The following PPP1R9B variants were observed in gnomAD, a reference collection of about 807,000 sequenced individuals.
PPP1R9B encodes the protein neurabin-2.
PPP1R9B carries 17 observed loss-of-function variants against 75.8 expected under a neutral mutation model. The ratio of observed to expected loss-of-function variants is 0.22; its 90% confidence interval spans 0.15 to 0.34. The LOEUF (loss-of-function observed/expected upper bound fraction) is 0.34. Ranked by LOEUF, PPP1R9B falls within the 10% of genes least tolerant of loss-of-function variation. The pLI, the probability that PPP1R9B is intolerant of heterozygous loss-of-function variation, is 1.00. For missense variants in PPP1R9B, 875 were observed against 1,196.0 expected (o/e 0.73, Z 3.96); for synonymous variants, 509 against 535.4 (o/e 0.95, Z 0.68).
intron 2 of PPP1R9B, 96 bp from the exon 3 acceptor site, chr17:50,143,814 G>T: frequency 6.5e-7 from 1 of 1,535,894 alleles, no homozygotes; most frequent in Non-Finnish European, 8.9e-7. Context: ...CCATCAGGAA[G>T]CAGTCCCCAT....
Position 50,149,959 on chromosome 17 carries a change from G to T in PPP1R9B, c.555C>A (p.Val185=). ...RAGLQDRKLD[V]VVRFNGSTEA... ...CGGTGCTGCCGTTGAAGCGCACCACGACGTCCAGCTTCCGGTCCTGCAGGC... is the reference window on the plus strand; with the variant it reads ...CGGTGCTGCCGTTGAAGCGCACCACTACGTCCAGCTTCCGGTCCTGCAGGC... The change falls in exon 1 of 10, where the codon GTC becomes GTA. Residue 185 remains valine, a synonymous_variant. Transcript: ENST00000612501. The surrounding 1 kb of genome is among the most constrained non-coding windows in gnomAD (Gnocchi z 7.2). 1 of 1,515,074 alleles carries T rather than the reference G, an allele frequency of 6.6e-7. No homozygotes were observed. Among genetic ancestry groups the T allele is most frequent in the South Asian group, 1.2e-5 (1 of 82,030 alleles). The allele number at this position is 1,515,074 out of a possible 1,614,324, so 93.9% of individuals were successfully genotyped here. A position where few individuals can be genotyped will look rare whatever the true frequency, so the allele number is the denominator to read the frequency against.
rs1206538009 is a variant in PPP1R9B, at chr17:50,149,718, G to A, written c.796C>T (p.Pro266Ser). The change falls in exon 1 of 10, where the codon CCG (proline) becomes TCG (serine). Residue 266 changes from proline to serine, a missense_variant. Transcript: ENST00000612501. The surrounding 1 kb of genome is among the most constrained non-coding windows in gnomAD (Gnocchi z 7.2). Reference sequence around the variant, plus strand: ...GCGGGGCATCGCTCTTTCTCGGCCGGGGCATCCCCCGACGGGGCGGGCGGC... The same window carrying A: ...GCGGGGCATCGCTCTTTCTCGGCCGAGGCATCCCCCGACGGGGCGGGCGGC... ...PPPPAPSGDAPAEKERCPAGQ... is the reference protein window; with the variant it reads ...PPPPAPSGDASAEKERCPAGQ... 2 of 1,410,734 alleles carry A rather than the reference G, an allele frequency of 1.4e-6. No individual in the cohort carries two copies. Among genetic ancestry groups the A allele is most frequent in the African/African-American group, 1.5e-5 (1 of 65,928 alleles). The allele number at this position is 1,410,734 out of a possible 1,614,324, so 87.4% of individuals were successfully genotyped here.
Position 50,149,061 on chromosome 17 carries a change from C to A in PPP1R9B, c.1371+82G>T. 9.2e-7 allele frequency: 1 copy of A among 1,092,372 alleles called. No individual in the cohort carries two copies. The allele number at this position is 1,092,372 out of a possible 1,614,324, so 67.7% of individuals were successfully genotyped here. ...CAGGGGCTGACTCAGCCTGCCAAACCCGGCTGGCTGGCTGGCGAGCGGGGG... is the reference window on the plus strand; with the variant it reads ...CAGGGGCTGACTCAGCCTGCCAAACACGGCTGGCTGGCTGGCGAGCGGGGG... On this transcript the variant is annotated intron_variant, in intron 1 of 9. Transcript: ENST00000612501. This position sits in a 1 kb window ranked among gnomAD's most constrained non-coding sequence, Gnocchi z 7.2.
chr17:50,149,511 C>T lies in PPP1R9B; in HGVS notation c.1003G>A (p.Val335Met), dbSNP rs778474129. ...VHAALENGST[V>M]ATAASPAPEE... ...GGCGCGGGGCTGGCTGCAGTTGCCA[C>T]GGTGCTGCCATTCTCCAGGGCCGCG... Residue 335 changes from valine (V) to methionine (M), a missense_variant, in exon 1 of 10, where the codon GTG (valine) becomes ATG (methionine). Transcript: ENST00000612501. The surrounding 1 kb of genome is among the most constrained non-coding windows in gnomAD (Gnocchi z 7.2). The T allele has an allele frequency of 1.3e-6, 2 of 1,594,836 alleles. No homozygotes were observed. Among genetic ancestry groups the T allele is most frequent in the Non-Finnish European group, 1.7e-6 (2 of 1,172,302 alleles).
At position 50,139,585 on chromosome 17, in the gene PPP1R9B, C is replaced by T. The variant is rs371184043; in HGVS notation, c.1867-4G>A. On this transcript the variant is annotated splice_region_variant and splice_polypyrimidine_tract_variant and intron_variant, in intron 5 of 9. Transcript: ENST00000612501. The surrounding 1 kb of genome is among the most constrained non-coding windows in gnomAD (Gnocchi z 5.0). ...CGTCAGTGGCATACTCTCCCGTCTG[C>T]GAAGGGAGACCGGAGACTGTGGGCC... 648 of 1,538,468 alleles carry T rather than the reference C, an allele frequency of 4.2e-4. 2 individuals carry two copies. The highest frequency in any genetic ancestry group is 2.1e-3 in the African/African-American group (153 of 72,566).
intron 7 of PPP1R9B, among the ~76,000 whole-genome samples, chr17:50,137,619 T>C (rs996898234): frequency 3.3e-5 from 5 of 152,126 alleles, no homozygotes; most frequent in Admixed American, 6.5e-5. Context: ...CCTAACCAGT[T>C]TGCCTGCCTC....
rs754466686 is a variant in PPP1R9B at position 50,149,983 on chromosome 17, G to T, written c.531C>A (p.Gly177=). The change falls in exon 1 of 10, where the codon GGC becomes GGA. Residue 177 remains glycine (G), a synonymous_variant. Coordinates refer to ENST00000612501, the MANE Select transcript of PPP1R9B (RefSeq NM_032595.5). This position sits in a 1 kb window ranked among gnomAD's most constrained non-coding sequence, Gnocchi z 7.2. Reference sequence around the variant, plus strand: ...CGACGTCCAGCTTCCGGTCCTGCAGGCCGGCGCGCTCCTGCCTCAGCAGCC... The same window carrying T: ...CGACGTCCAGCTTCCGGTCCTGCAGTCCGGCGCGCTCCTGCCTCAGCAGCC... ...ARRLLRQERA[G]LQDRKLDVVV... 4.4e-5 allele frequency: 67 copies of T among 1,507,024 alleles called. No individual in the cohort carries two copies. The highest frequency in any genetic ancestry group is 5.0e-5 in the Non-Finnish European group (57 of 1,136,954). 93.4% of individuals were successfully genotyped at this position (1,507,024 alleles called of 1,614,324 possible).
chr17:50,141,276 G>T lies in PPP1R9B; in HGVS notation c.1723C>A (p.Arg575=), dbSNP rs556989376. The change falls in exon 4 of 10, where the codon CGA becomes AGA. Residue 575 remains arginine (R), a synonymous_variant. Coordinates refer to ENST00000612501, the MANE Select transcript of PPP1R9B (RefSeq NM_032595.5). ...ACCCCTCTGGGCTCTCACCGCACTC[G>T]GCCCTTGGTGTTCCGGAGCACAGAC... is the stretch of plus-strand genomic sequence containing the variant. ...AASVLRNTKG[R]VRFMIGRERP... is the part of the protein sequence containing the mutation. The T allele has an allele frequency of 2.0e-5, 32 of 1,578,026 alleles. No individual in the cohort carries two copies. In the South Asian group the frequency reaches 3.5e-4, roughly 17 times the overall value.
rs376598450 is a variant in PPP1R9B, at chr17:50,145,092, C to T, written c.1504+21G>A. 292 of 1,612,756 alleles carry T rather than the reference C, an allele frequency of 1.8e-4. No individual in the cohort carries two copies. The African/African-American group carries it at 2.2e-3, about 12-fold the overall frequency. ...GTCAACCCCAGCTGTGCGCAAGTGA[C>T]GTGGCCTCCTGGCCTCTCACCCTTC... On this transcript the variant is annotated intron_variant, in intron 2 of 9. Coordinates refer to ENST00000612501, the MANE Select transcript of PPP1R9B (RefSeq NM_032595.5).
intron 3 of PPP1R9B, 31 bp from the exon 4 acceptor site, chr17:50,141,404 AG>A: frequency 6.8e-7 from 1 of 1,464,254 alleles, no homozygotes. Flanking sequence ...AAGGGGTCAC[AG>A]GGGAACCGAG....
chr17:50,137,859 C>A (rs555826346), intron 7 of PPP1R9B, among the ~76,000 whole-genome samples: 1 of 152,292 alleles, frequency 6.6e-6, no homozygotes, highest in Non-Finnish European at 1.5e-5. Context: ...AGACTCCAAG[C>A]TCCATGGAGC....
At chr17:50,148,450 G>A (rs1468912353) in intron 1 of PPP1R9B, among the ~76,000 whole-genome samples, 2 of 152,180 alleles carry the variant, frequency 1.3e-5, no homozygotes, top group African/African-American at 4.8e-5. Flanking sequence ...CCCCATCAAG[G>A]ACCACACAAA....
intron 4 of PPP1R9B, among the ~76,000 whole-genome samples, chr17:50,140,896 G>A (rs1021992032): frequency 1.3e-5 from 2 of 152,124 alleles, no homozygotes; most frequent in Non-Finnish European, 2.9e-5. Context: ...GCTGGTCGGG[G>A]TGGGGGGCAT....
chr17:50,149,500 T>G lies in PPP1R9B; in HGVS notation c.1014A>C (p.Ala338=). 6.3e-7 allele frequency: 1 copy of G among 1,597,064 alleles called. No homozygotes were observed. Among genetic ancestry groups the G allele is most frequent in the Non-Finnish European group, 8.5e-7 (1 of 1,173,228 alleles). The part of the protein sequence containing the change: ...ALENGSTVAT[A]ASPAPEEPKA... Reference sequence around the variant, plus strand: ...TTGGCTCCTCGGGCGCGGGGCTGGCTGCAGTTGCCACGGTGCTGCCATTCT... The same window carrying G: ...TTGGCTCCTCGGGCGCGGGGCTGGCGGCAGTTGCCACGGTGCTGCCATTCT... Residue 338 remains alanine, a synonymous_variant, in exon 1 of 10, where the codon GCA becomes GCC. Transcript: ENST00000612501. This position sits in a 1 kb window ranked among gnomAD's most constrained non-coding sequence, Gnocchi z 7.2.
At position 50,149,501 on chromosome 17, in the gene PPP1R9B, G is replaced by GCAGTTGCCACGGTGCTGC; in HGVS notation, c.995_1012dup (p.Gly332_Thr337dup). 1 of 1,596,670 alleles carries GCAGTTGCCACGGTGCTGC rather than the reference G, an allele frequency of 6.3e-7. No homozygotes were observed. The highest frequency in any genetic ancestry group is 8.5e-7 in the Non-Finnish European group (1 of 1,173,060). On this transcript the variant is annotated inframe_insertion, in exon 1 of 10. Coordinates refer to ENST00000612501, the MANE Select transcript of PPP1R9B (RefSeq NM_032595.5). The surrounding 1 kb of genome is among the most constrained non-coding windows in gnomAD (Gnocchi z 7.2). ...TGGCTCCTCGGGCGCGGGGCTGGCT[G>GCAGTTGCCACGGTGCTGC]CAGTTGCCACGGTGCTGCCATTCTC... is the stretch of plus-strand genomic sequence containing the variant.
At chr17:50,144,468 G>A in intron 2 of PPP1R9B, among the ~76,000 whole-genome samples, 1 of 152,270 alleles carries the variant, frequency 6.6e-6, no homozygotes. Context: ...GGTCTTTCTA[G>A]ACCTTTCCTG....
At position 50,134,574 on chromosome 17, in the gene PPP1R9B, C is replaced by A. The variant is rs1912161197; in HGVS notation, c.*757G>T. The A allele has an allele frequency of 6.5e-6, 1 of 152,724 alleles. No individual in the cohort carries two copies. Among genetic ancestry groups the A allele is most frequent in the South Asian group, 2.1e-4 (1 of 4,828 alleles). The allele number at this position is 152,724 out of a possible 1,614,324, so 9.5% of individuals were successfully genotyped here. A position where few individuals can be genotyped will look rare whatever the true frequency, so the allele number is the denominator to read the frequency against. ...AAGACGAGGTTATGGCTATTTGGCA[C>A]CTGGAAGAGGGGAGGCACAAGGAGA... On this transcript the variant is annotated 3_prime_UTR_variant, in exon 10 of 10. Coordinates refer to ENST00000612501, the MANE Select transcript of PPP1R9B (RefSeq NM_032595.5).
chr17:50,145,691 G>C (rs1226130023), intron 1 of PPP1R9B, among the ~76,000 whole-genome samples: 1 of 152,040 alleles, frequency 6.6e-6, no homozygotes, highest in African/African-American at 2.4e-5. Context: ...AGGAGGAGGG[G>C]AGAGAGGATG....
intron 1 of PPP1R9B, among the ~76,000 whole-genome samples, chr17:50,148,917 T>C (rs1193971507): frequency 6.6e-6 from 1 of 151,684 alleles, no homozygotes; most frequent in African/African-American, 2.4e-5. Flanking sequence ...CGGAGGAACC[T>C]GAGGGCAGGT....
Sources: gnomAD v4.1 joint callset for allele counts (sites outside exome capture counted in the v4.1 genomes callset) on GRCh38, gnomAD v4.1.1 for gene constraint, Gnocchi (gnomAD v3.1) non-coding constraint, MANE v1.5 for transcripts, NCBI Gene and HGNC (gene_info 2026-07-23, HGNC 2026-07-21) for gene names.